CCDC60: variants seen among roughly 807,000 people sequenced by gnomAD.
CCDC60 encodes the protein coiled-coil domain-containing protein 60.
In CCDC60, 54 loss-of-function variants were observed where a neutral mutation model predicts 63.5. That is an observed-to-expected ratio of 0.85 (90% CI 0.68 to 1.07). CCDC60 has a LOEUF of 1.07. CCDC60 is among the 50% of genes least tolerant of loss of function. The pLI is 0.00. For synonymous variants in CCDC60, 206 were observed against 238.8 expected (o/e 0.86, Z 1.27); for missense variants, 651 against 684.3 (o/e 0.95, Z 0.54).
intron 1 of CCDC60, among the ~76,000 whole-genome samples, chr12:119,409,552 T>A (rs956511611): frequency 6.6e-6 from 1 of 152,116 alleles, no homozygotes; most frequent in Admixed American, 6.5e-5. Context: ...GTCCCCAAAA[T>A]GTACTCCAGC....
chr12:119,413,132 G>A (rs1377915232), intron 1 of CCDC60, among the ~76,000 whole-genome samples: 1 of 152,148 alleles, frequency 6.6e-6, no homozygotes, highest in East Asian at 1.9e-4. Flanking sequence ...CTGGACTGCT[G>A]GCCCCTCATA....
At chr12:119,397,267 C>T (rs555916148) in intron 1 of CCDC60, among the ~76,000 whole-genome samples, 1 of 152,320 alleles carries the variant, frequency 6.6e-6, no homozygotes, top group East Asian at 1.9e-4. Context: ...TGAAAAGGGA[C>T]CTGAGCCGGT....
chr12:119,411,414 C>T (rs929066084), intron 1 of CCDC60, among the ~76,000 whole-genome samples: 6 of 152,082 alleles, frequency 3.9e-5, no homozygotes, highest in South Asian at 2.1e-4. Flanking sequence ...TGAAAAGCCT[C>T]GTTCATGTTC....
intron 5 of CCDC60, among the ~76,000 whole-genome samples, chr12:119,491,981 C>T (rs745572865): frequency 1.1e-4 from 17 of 152,160 alleles, no homozygotes; most frequent in Non-Finnish European, 2.4e-4. Flanking sequence ...AGTAAAAAGA[C>T]GTAGTGGTCA....
At position 119,465,586 on chromosome 12, in the gene CCDC60, C is replaced by T. The variant is rs566123952; in HGVS notation, c.171-6408C>T. On this transcript the variant is annotated intron_variant, in intron 2 of 13. Coordinates refer to ENST00000327554, the MANE Select transcript of CCDC60 (RefSeq NM_178499.5). ...CAGCCTTGATAACATGGTGAAACCC[C>T]GTCTCTACTAAAAATATAAAAACTA... 5.3e-5 allele frequency among the ~76,000 whole-genome samples: 8 copies of T among 152,086 alleles called. No homozygotes were observed. In the South Asian group the frequency reaches 8.3e-4, roughly 16 times the overall value.
intron 12 of CCDC60, among the ~76,000 whole-genome samples, chr12:119,529,884 G>A (rs555853215): frequency 6.6e-6 from 1 of 152,234 alleles, no homozygotes; most frequent in Admixed American, 6.5e-5. Flanking sequence ...ATCTAATGGT[G>A]GAATTTCTGT....
intron 1 of CCDC60, among the ~76,000 whole-genome samples, chr12:119,406,419 A>G (rs1221565473): frequency 6.6e-6 from 1 of 152,146 alleles, no homozygotes; most frequent in Non-Finnish European, 1.5e-5. Flanking sequence ...TGAAAAATCA[A>G]CACATATTGA....
intron 11 of CCDC60, among the ~76,000 whole-genome samples, chr12:119,527,559 A>G (rs1952711820): frequency 6.6e-6 from 1 of 151,858 alleles, no homozygotes. Flanking sequence ...AGTGTTTGCA[A>G]GGTGATCAGA....
chr12:119,485,521 T>A (rs1234766661), intron 4 of CCDC60, among the ~76,000 whole-genome samples: 2 of 152,172 alleles, frequency 1.3e-5, no homozygotes, highest in Non-Finnish European at 2.9e-5. Context: ...CAGCGTTGGT[T>A]TCTCCCAACC....
intron 2 of CCDC60, among the ~76,000 whole-genome samples, chr12:119,437,487 C>G (rs1593086626): frequency 6.6e-6 from 1 of 152,268 alleles, no homozygotes; most frequent in African/African-American, 2.4e-5. Context: ...ACTTTGATAT[C>G]TATAGTGGCA....
intron 2 of CCDC60, among the ~76,000 whole-genome samples, chr12:119,449,737 G>A (rs1340135109): frequency 1.3e-5 from 2 of 152,146 alleles, no homozygotes; most frequent in African/African-American, 4.8e-5. Context: ...AAGGGAGAGT[G>A]CATGGCCAGA....
At chr12:119,449,902 A>T (rs950850871) in intron 2 of CCDC60, among the ~76,000 whole-genome samples, 8 of 152,228 alleles carry the variant, frequency 5.3e-5, no homozygotes, top group Non-Finnish European at 5.9e-5. Context: ...TAGATCTACC[A>T]TTCAATCCAG....
chr12:119,486,182 C>G (rs577172647), intron 4 of CCDC60, among the ~76,000 whole-genome samples: 1 of 152,298 alleles, frequency 6.6e-6, no homozygotes, highest in East Asian at 1.9e-4. Flanking sequence ...TGTACCCAGA[C>G]CTACCAAAAT....
rs113517127 is a variant in CCDC60, at chr12:119,474,062, T to C, written c.341+1898T>C. On this transcript the variant is annotated intron_variant, in intron 3 of 13. Coordinates refer to ENST00000327554, the MANE Select transcript of CCDC60 (RefSeq NM_178499.5). ...AACTCCATACTGTTTTCCACAGTGG[T>C]TGTACTAGTTTACATTCCCGAAAAA... Among the ~76,000 whole-genome samples the C allele has an allele frequency of 9.7e-3, 1,483 of 152,336 alleles. 31 individuals carry two copies. The highest frequency in any genetic ancestry group is 0.033 in the African/African-American group (1,385 of 41,556).
In CCDC60 at chr12:119,410,356, T is replaced by A. The variant is rs113279164; in HGVS notation, c.91-18327T>A. Among the ~76,000 whole-genome samples the A allele has an allele frequency of 1.3e-3, 196 of 152,242 alleles. 1 individual carries two copies. The highest frequency in any genetic ancestry group is 4.4e-3 in the African/African-American group (184 of 41,520). On this transcript the variant is annotated intron_variant, in intron 1 of 13. Coordinates refer to ENST00000327554, the MANE Select transcript of CCDC60 (RefSeq NM_178499.5). This position sits in a 1 kb window ranked among gnomAD's most constrained non-coding sequence, Gnocchi z 4.0. The stretch of plus-strand genomic sequence containing the variant: ...TGATGTACCTTTTGATACATTTTTT[T>A]AAACCATTTGAAAATACTACTTGCT...
chr12:119,488,973 T>C, intron 5 of CCDC60, 107 bp downstream of exon 5: 1 of 879,812 alleles, frequency 1.1e-6, no homozygotes, highest in Admixed American at 1.9e-5. Context: ...GTAGGTGGGC[T>C]GTTTCAGTTC....
At chr12:119,353,579 CCTTCTT>C (rs1249166643) in intron 1 of CCDC60, among the ~76,000 whole-genome samples, 32 of 133,646 alleles carry the variant, frequency 2.4e-4, no homozygotes, top group Middle Eastern at 4.2e-3. Flanking sequence ...TCCCCTCTCT[CCTTCTT>C]CTTCTTCTTC....
rs560048030 is a variant in CCDC60 at position 119,345,650 on chromosome 12, C to T, written c.90+10384C>T. ...ATAGAAACGGAGCTGCCTCTCAAGA[C>T]CTCCCCTCAAACAGCCAAATCCTTA... is the stretch of plus-strand genomic sequence containing the variant. On this transcript the variant is annotated intron_variant, in intron 1 of 13. Transcript: ENST00000327554. Among the ~76,000 whole-genome samples, 19 of 152,258 alleles carry T rather than the reference C, an allele frequency of 1.2e-4. 1 individual carries two copies. Among genetic ancestry groups the T allele is most frequent in the Admixed American group, 1.2e-3 (19 of 15,298 alleles).
At chr12:119,419,255 C>G (rs1956765064) in intron 1 of CCDC60, among the ~76,000 whole-genome samples, 1 of 152,216 alleles carries the variant, frequency 6.6e-6, no homozygotes, top group South Asian at 2.1e-4. Flanking sequence ...CCAGAGGCCC[C>G]AACAGACACA....
Sources: allele counts gnomAD v4.1 joint callset (sites outside exome capture counted in the v4.1 genomes callset), GRCh38; gene constraint gnomAD v4.1.1; non-coding constraint Gnocchi (gnomAD v3.1); transcripts MANE v1.5; gene names NCBI Gene and HGNC (gene_info 2026-07-23, HGNC 2026-07-21).